Variants in RYR3 observed in about 807,000 individuals in gnomAD.
RYR3 encodes the protein ryanodine receptor 3, also known as brain ryanodine receptor-calcium release channel.
Under a neutral mutation model 584.3 loss-of-function variants are expected in RYR3, and 207 were observed. The observed-to-expected ratio is 0.35, with a 90% CI of 0.32 to 0.40. The LOEUF (loss-of-function observed/expected upper bound fraction) is 0.40. RYR3 is among the 10% of genes least tolerant of loss of function. The pLI, the probability that RYR3 is intolerant of heterozygous loss-of-function variation, is 1.00. For missense variants in RYR3, 5,616 were observed against 6,089.2 expected (o/e 0.92, Z 2.59); for synonymous variants, 2,416 against 2,248.5 (o/e 1.07, Z -2.11).
intron 3 of RYR3, among the ~76,000 whole-genome samples, chr15:33,515,325 T>A (rs2053414470): frequency 6.6e-6 from 1 of 152,194 alleles, no homozygotes; most frequent in Non-Finnish European, 1.5e-5. Flanking sequence ...CAACTGCTGT[T>A]CCCAGGCAAC....
intron 10 of RYR3, among the ~76,000 whole-genome samples, chr15:33,555,100 A>T (rs988193725): frequency 3.3e-5 from 5 of 152,348 alleles, no homozygotes; most frequent in African/African-American, 1.2e-4. Context: ...AAAAACATTA[A>T]ATTCAGTTTA....
At chr15:33,406,090 C>T (rs2042999750) in intron 1 of RYR3, among the ~76,000 whole-genome samples, 1 of 152,166 alleles carries the variant, frequency 6.6e-6, no homozygotes, top group Admixed American at 6.5e-5. Flanking sequence ...GTCTGAGTTA[C>T]CTGCTAACTG....
chr15:33,800,726 C>G (rs755472491), intron 67 of RYR3, 44 bp from the exon 68 acceptor site: 21 of 1,361,174 alleles, frequency 1.5e-5, no homozygotes, highest in Non-Finnish European at 2.1e-5. Flanking sequence ...ATATTTTAAT[C>G]TCTACTGAAT....
chr15:33,527,598 A>AG (rs2054503027), intron 3 of RYR3, among the ~76,000 whole-genome samples: 1 of 151,990 alleles, frequency 6.6e-6, no homozygotes, highest in Non-Finnish European at 1.5e-5. Context: ...AAAAAAAAAA[A>AG]AAAGGCGTAT....
chr15:33,419,408 G>A (rs1370101740), intron 1 of RYR3, among the ~76,000 whole-genome samples: 1 of 152,150 alleles, frequency 6.6e-6, no homozygotes, highest in East Asian at 1.9e-4. Flanking sequence ...GGCTTTTGGA[G>A]GTGCATTGTG....
At chr15:33,789,273 A>G (rs184573302) in intron 67 of RYR3, among the ~76,000 whole-genome samples, 1 of 152,172 alleles carries the variant, frequency 6.6e-6, no homozygotes, top group African/African-American at 2.4e-5. Flanking sequence ...TGAGTCAGAT[A>G]ACAAGCCCCT....
intron 45 of RYR3, among the ~76,000 whole-genome samples, chr15:33,724,619 C>T (rs954831111): frequency 1.3e-5 from 2 of 152,200 alleles, no homozygotes; most frequent in African/African-American, 4.8e-5. Flanking sequence ...GTAGAGTTTG[C>T]AAACATCACA....
chr15:33,786,181 GC>G (rs1324081400), intron 66 of RYR3, among the ~76,000 whole-genome samples, 199 bp downstream of exon 66: 1 of 152,124 alleles, frequency 6.6e-6, no homozygotes, highest in Non-Finnish European at 1.5e-5. Flanking sequence ...AATGCTCCCG[GC>G]CCACTCCCCT....
intron 2 of RYR3, among the ~76,000 whole-genome samples, chr15:33,489,213 TTTTTAAC>T (rs2050757496): frequency 2.0e-5 from 3 of 152,320 alleles, no homozygotes; most frequent in African/African-American, 4.8e-5. Flanking sequence ...GTTCCTTATT[TTTTTAAC>T]TTTTAAGTTC....
Position 33,510,049 on chromosome 15 carries a change from G to A in RYR3, c.279+6311G>A, listed in dbSNP as rs183143021. ...GCAAAAATAATGTTTTTTTATACTC[G>A]CAAAATAACAAATCAACTTGGCAAA... is the stretch of plus-strand genomic sequence containing the variant. On this transcript the variant is annotated intron_variant, in intron 3 of 103. Coordinates refer to ENST00000634891, the MANE Select transcript of RYR3 (RefSeq NM_001036.6). Among the ~76,000 whole-genome samples, 368 of 152,102 alleles carry A rather than the reference G, an allele frequency of 2.4e-3. 3 individuals are homozygous for A. Among genetic ancestry groups the A allele is most frequent in the African/African-American group, 8.3e-3 (345 of 41,494 alleles).
At chr15:33,598,856 A>G in intron 16 of RYR3, among the ~76,000 whole-genome samples, 1 of 152,150 alleles carries the variant, frequency 6.6e-6, no homozygotes, top group East Asian at 1.9e-4. Context: ...GATCGAGACC[A>G]TCCTGGCTAA....
rs41279216 is a variant in RYR3 at position 33,748,269 on chromosome 15, C to G, written c.8136+9C>G. On this transcript the variant is annotated intron_variant, in intron 54 of 103. Coordinates refer to ENST00000634891, the MANE Select transcript of RYR3 (RefSeq NM_001036.6). ...TGTCCCAGGCCAACCAGGTATGACA[C>G]CACACCCAGAGGCCCACGCTGGGCC... 4.0e-3 allele frequency: 6,509 copies of G among 1,613,344 alleles called. 245 individuals are homozygous for G. The African/African-American group carries it at 0.076, about 19-fold the overall frequency.
At chr15:33,379,666 CCT>C (rs72425368) in intron 1 of RYR3, among the ~76,000 whole-genome samples, 14,066 of 129,114 alleles carry the variant, frequency 0.11, 862 homozygotes, top group South Asian at 0.13. Context: ...TGTGTGTGTC[CCT>C]CTCTCTCTCT....
chr15:33,725,184 C>CACACACACACACACATATAT lies in RYR3; in HGVS notation c.6912+1023_6912+1024insTATATACACACACACACACA, dbSNP rs1371986035. ...ACACACACACACACACACACACACA[C>CACACACACACACACATATAT]ACACACACACACACACACATATATA... is the stretch of plus-strand genomic sequence containing the variant. On this transcript the variant is annotated intron_variant, in intron 45 of 103. Coordinates refer to ENST00000634891, the MANE Select transcript of RYR3 (RefSeq NM_001036.6). Among the ~76,000 whole-genome samples the CACACACACACACACATATAT allele has an allele frequency of 2.7e-5, 4 of 147,614 alleles. No individual in the cohort carries two copies. In the South Asian group the frequency reaches 8.4e-4, roughly 31 times the overall value.
chr15:33,480,235 G>A (rs1567331825), intron 2 of RYR3, among the ~76,000 whole-genome samples: 1 of 152,194 alleles, frequency 6.6e-6, no homozygotes, highest in Admixed American at 6.5e-5. Flanking sequence ...GCCTGGACTG[G>A]TAATTCTGGC....
At chr15:33,503,243 C>T (rs756756972) in intron 2 of RYR3, among the ~76,000 whole-genome samples, 1 of 152,134 alleles carries the variant, frequency 6.6e-6, no homozygotes, top group Admixed American at 6.5e-5. Context: ...TATGGTCTGT[C>T]CACTGCCCTT....
rs10534581 is a variant in RYR3 at position 33,705,101 on chromosome 15, T to TTCTCTCTCTCTCTCTCTCTCTC, written c.6484-1805_6484-1784dup. Among the ~76,000 whole-genome samples the TTCTCTCTCTCTCTCTCTCTCTC allele has an allele frequency of 1.9e-3, 270 of 142,194 alleles. 8 individuals are homozygous for TTCTCTCTCTCTCTCTCTCTCTC. Among genetic ancestry groups the TTCTCTCTCTCTCTCTCTCTCTC allele is most frequent in the African/African-American group, 6.8e-3 (253 of 36,972 alleles). 93.3% of individuals were successfully genotyped at this position (142,194 alleles called of 152,430 possible). A position where few individuals can be genotyped will look rare whatever the true frequency, so the allele number is the denominator to read the frequency against. On this transcript the variant is annotated intron_variant, in intron 42 of 103. Coordinates refer to ENST00000634891, the MANE Select transcript of RYR3 (RefSeq NM_001036.6). ...GCACACACACATGCACACACACTCT[T>TTCTCTCTCTCTCTCTCTCTCTC]TCTCTCTCTCTCTCTCTCTCTCTCT...
At chr15:33,388,242 A>G (rs1397615191) in intron 1 of RYR3, among the ~76,000 whole-genome samples, 1 of 152,218 alleles carries the variant, frequency 6.6e-6, no homozygotes, top group East Asian at 1.9e-4. Context: ...ATTATCTTCA[A>G]TTTAGATTTC....
intron 66 of RYR3, among the ~76,000 whole-genome samples, chr15:33,786,482 T>A: frequency 6.6e-6 from 1 of 150,570 alleles, no homozygotes; most frequent in East Asian, 1.9e-4. Context: ...ACTTTGTTGT[T>A]TTTTTTTTTT....
Sources: allele counts gnomAD v4.1 joint callset (sites outside exome capture counted in the v4.1 genomes callset), GRCh38; gene constraint gnomAD v4.1.1; transcripts MANE v1.5; gene names NCBI Gene and HGNC (gene_info 2026-07-23, HGNC 2026-07-21).